Variants in TENM1 observed in about 807,000 individuals in gnomAD.
The protein encoded by TENM1 is teneurin transmembrane protein 1.
A neutral mutation model predicts 174.8 loss-of-function variants in TENM1; 35 were observed. That is an observed-to-expected ratio of 0.20 (90% CI 0.15 to 0.27). TENM1 has a LOEUF of 0.27. TENM1 is among the 10% of genes least tolerant of loss of function. The probability of loss-of-function intolerance (pLI) is 1.00; values close to 1 mark genes in which losing one functional copy is unlikely to be tolerated. For synonymous variants in TENM1, 781 were observed against 798.7 expected, an observed-to-expected ratio of 0.98 and a Z score of 0.37; for missense variants, 1,633 against 2,130.1, an observed-to-expected ratio of 0.77 and a Z score of 4.59.
At chrX:125,097,257 C>T in the TENM1 span, among the ~76,000 whole-genome samples, 2 of 111,577 alleles carry the variant, frequency 1.8e-5, no homozygotes, top group Admixed American at 9.5e-5. Flanking sequence ...TTTTTTTTAA[C>T]CCCTTTCAGG....
At chrX:124,870,224 C>T (rs185914113) in intron 3 of TENM1, among the ~76,000 whole-genome samples, 57 of 111,497 alleles carry the variant, frequency 5.1e-4, no homozygotes, top group Admixed American at 1.6e-3. Context: ...CCAAAAGTTA[C>T]ATTCTATATT....
At chrX:125,100,657 C>T in the TENM1 span, among the ~76,000 whole-genome samples, 3 of 111,685 alleles carry the variant, frequency 2.7e-5, no homozygotes, top group Admixed American at 9.5e-5. Context: ...GCTAAAACTA[C>T]GTTTTTGTTT....
intron 2 of TENM1, among the ~76,000 whole-genome samples, chrX:124,894,899 T>G (rs1375726016): frequency 9.0e-6 from 1 of 111,485 alleles, no homozygotes; most frequent in Admixed American, 9.6e-5. Context: ...TTTCCGTACG[T>G]TACTTCCTAT....
intron 18 of TENM1, among the ~76,000 whole-genome samples, chrX:124,517,966 T>C (rs1179634418): frequency 1.8e-5 from 2 of 111,008 alleles, no homozygotes; most frequent in Non-Finnish European, 3.8e-5. Flanking sequence ...TATGATTCAG[T>C]GAGGGTCTCA....
At chrX:124,420,759 C>A in exon 25 of TENM1, 2 of 1,211,254 alleles carry the variant, frequency 1.7e-6, no homozygotes, top group Non-Finnish European at 2.2e-6. Context: ...AGGGTTCCAT[C>A]AGGCGACACT....
the TENM1 span, among the ~76,000 whole-genome samples, chrX:125,000,569 T>C: frequency 8.9e-6 from 1 of 112,215 alleles, no homozygotes; most frequent in Non-Finnish European, 1.9e-5. Flanking sequence ...GATTCTGGCA[T>C]GAGCAGAAGA....
At chrX:124,807,120 T>C (rs1305718870) in intron 3 of TENM1, among the ~76,000 whole-genome samples, 2 of 109,201 alleles carry the variant, frequency 1.8e-5, no homozygotes, top group African/African-American at 6.9e-5. Flanking sequence ...AATCAGATCT[T>C]ACATGAACTC....
intron 3 of TENM1, among the ~76,000 whole-genome samples, chrX:124,756,094 G>A (rs1434108456): frequency 9.5e-6 from 1 of 105,250 alleles, no homozygotes; most frequent in African/African-American, 3.8e-5. Context: ...TTTCCAACTT[G>A]GTTCCATTCT....
chrX:124,509,074 A>AACACAC (rs3028390), intron 18 of TENM1, among the ~76,000 whole-genome samples: 27 of 108,225 alleles, frequency 2.5e-4, no homozygotes, highest in South Asian at 8.2e-4. Flanking sequence ...TAAAACAAAT[A>AACACAC]ACACACACAC....
chrX:124,653,059 A>C (rs1464765078), intron 7 of TENM1, among the ~76,000 whole-genome samples: 1 of 111,804 alleles, frequency 8.9e-6, no homozygotes, highest in Non-Finnish European at 1.9e-5. Flanking sequence ...AATAAGGAGA[A>C]GAAAATAAGA....
At chrX:125,110,300 G>A in the TENM1 span, among the ~76,000 whole-genome samples, 1 of 111,315 alleles carries the variant, frequency 9.0e-6, no homozygotes, top group Non-Finnish European at 1.9e-5. Flanking sequence ...ATCTAAGTTG[G>A]GTATTTCTGA....
At chrX:124,718,571 C>T (rs5958563) in intron 4 of TENM1, among the ~76,000 whole-genome samples, 3,588 of 111,846 alleles carry the variant, frequency 0.032, 135 homozygotes, top group African/African-American at 0.11. Context: ...GTTGCCATTG[C>T]ATTAAAAGTA....
In TENM1 at chrX:124,642,744, C is replaced by T. The variant is rs73558366; in HGVS notation, c.1877-753G>A. On this transcript the variant is annotated intron_variant, in intron 10 of 31. Coordinates refer to ENST00000422452, the Ensembl canonical transcript of TENM1. ...ACTGTTTTAGAGGTAGGTTCTTGTG[C>T]TTGCCTGGGGGAAAAATTGTTTTGT... is the stretch of plus-strand genomic sequence containing the variant. 8.9e-3 allele frequency among the ~76,000 whole-genome samples: 994 copies of T among 111,658 alleles called. 9 individuals carry two copies. The highest frequency in any genetic ancestry group is 0.031 in the African/African-American group (953 of 30,692).
chrX:125,139,862 A>ACACG, the TENM1 span, among the ~76,000 whole-genome samples: 10 of 63,636 alleles, frequency 1.6e-4, no homozygotes, highest in African/African-American at 6.7e-4. Flanking sequence ...ACACACGGAG[A>ACACG]GAGAGAGAGA....
intron 1 of TENM1, among the ~76,000 whole-genome samples, chrX:124,955,128 T>G (rs1385524078): frequency 2.7e-5 from 3 of 112,187 alleles, no homozygotes; most frequent in African/African-American, 9.7e-5. Context: ...TCACTTGCAC[T>G]CACCCTTCAA....
At chrX:124,774,262 G>A (rs918955082) in intron 3 of TENM1, among the ~76,000 whole-genome samples, 6 of 111,706 alleles carry the variant, frequency 5.4e-5, no homozygotes, top group African/African-American at 2.0e-4. Flanking sequence ...AAAAGCTAAA[G>A]GGAAAGTTCA....
At chrX:124,585,593 T>C (rs1311357626) in intron 11 of TENM1, among the ~76,000 whole-genome samples, 1 of 111,313 alleles carries the variant, frequency 9.0e-6, no homozygotes, top group African/African-American at 3.3e-5. Context: ...AGGAAAGATC[T>C]AAAATTGACA....
intron 11 of TENM1, among the ~76,000 whole-genome samples, chrX:124,607,942 G>A (rs1362086955): frequency 1.8e-5 from 2 of 111,248 alleles, no homozygotes; most frequent in African/African-American, 3.3e-5. Flanking sequence ...ATGTAGATAT[G>A]CAAGATAATG....
rs144161479 is a variant in TENM1 at position 124,849,656 on chromosome X, C to G, written c.535+44640G>C. Among the ~76,000 whole-genome samples the G allele has an allele frequency of 1.7e-4, 19 of 111,684 alleles. 1 individual carries two copies. In the East Asian group the frequency reaches 4.0e-3, roughly 23 times the overall value. On this transcript the variant is annotated intron_variant, in intron 3 of 31. Coordinates refer to ENST00000422452, the Ensembl canonical transcript of TENM1. The stretch of plus-strand genomic sequence containing the variant: ...TCAGTCCCAGCTGGCATCATGATTT[C>G]AGTCCAGTGAGACCCTGAGCAGAGG...
Sources: allele counts gnomAD v4.1 joint callset (sites outside exome capture counted in the v4.1 genomes callset), GRCh38; gene constraint gnomAD v4.1.1; transcripts MANE v1.5; gene names NCBI Gene and HGNC (gene_info 2026-07-23, HGNC 2026-07-21).